The following SLCO1A2 variants were observed in gnomAD, a reference collection of about 807,000 sequenced individuals.
The protein encoded by SLCO1A2 is OATP-1.
SLCO1A2 carries 67 observed loss-of-function variants against 69.0 expected under a neutral mutation model. That is an observed-to-expected ratio of 0.97 (90% confidence interval 0.80 to 1.19). The LOEUF (loss-of-function observed/expected upper bound fraction) is 1.19. Ranked by LOEUF, SLCO1A2 falls within the 50% of genes most tolerant of loss-of-function variation. The pLI is 0.00. For missense variants in SLCO1A2, 787 were observed against 793.7 expected, an observed-to-expected ratio of 0.99 and a Z score of 0.10; for synonymous variants, 260 against 265.9, an observed-to-expected ratio of 0.98 and a Z score of 0.22.
intron 8 of SLCO1A2, among the ~76,000 whole-genome samples, chr12:21,299,505 T>C (rs1227276643): frequency 1.3e-5 from 2 of 151,650 alleles, no homozygotes; most frequent in African/African-American, 4.8e-5. Context: ...ACTGCTTCTG[T>C]TTAAAAATTA....
At chr12:21,335,825 TCTA>T (rs1282879174), upstream of SLCO1A2, among the ~76,000 whole-genome samples, 1 of 152,276 alleles carries the variant, frequency 6.6e-6, no homozygotes, top group East Asian at 1.9e-4. Context: ...TTATTGAACA[TCTA>T]CTCTGTGCCA....
chr12:21,295,543 T>C (rs1017521419), intron 10 of SLCO1A2, 54 bp downstream of exon 10: 1 of 1,150,438 alleles, frequency 8.7e-7, no homozygotes, highest in Non-Finnish European at 1.3e-6. Context: ...TTGTAAAAAA[T>C]ATCATATTAA....
At chr12:21,306,776 C>G in intron 5 of SLCO1A2, 106 bp downstream of exon 5, 1 of 662,280 alleles carries the variant, frequency 1.5e-6, no homozygotes, top group East Asian at 2.8e-5. Flanking sequence ...GAGAACATAT[C>G]TTTGTTTATT....
chr12:21,303,047 T>C (rs946004185), intron 6 of SLCO1A2, among the ~76,000 whole-genome samples: 4 of 152,146 alleles, frequency 2.6e-5, no homozygotes, highest in Non-Finnish European at 5.9e-5. Flanking sequence ...CAGAGCCATA[T>C]GGAACTGTTT....
intron 2 of SLCO1A2, among the ~76,000 whole-genome samples, chr12:21,328,588 T>C (rs1952409998): frequency 6.6e-6 from 1 of 152,118 alleles, no homozygotes; most frequent in African/African-American, 2.4e-5. Flanking sequence ...TTTTATGCAG[T>C]GTCCTAACCT....
At chr12:21,285,724 A>G (rs996362447) in intron 12 of SLCO1A2, among the ~76,000 whole-genome samples, 1 of 148,868 alleles carries the variant, frequency 6.7e-6, no homozygotes, top group African/African-American at 2.5e-5. Flanking sequence ...CAATAAATGT[A>G]ATCCAGCATA....
chr12:21,338,593 G>C (rs1952965461), upstream of SLCO1A2, among the ~76,000 whole-genome samples: 1 of 151,862 alleles, frequency 6.6e-6, no homozygotes, highest in African/African-American at 2.4e-5. Flanking sequence ...TATCGCAGTA[G>C]TCCCTTAATG....
At chr12:21,305,365 G>A (rs1268829665) in intron 5 of SLCO1A2, among the ~76,000 whole-genome samples, 2 of 152,240 alleles carry the variant, frequency 1.3e-5, no homozygotes, top group Non-Finnish European at 2.9e-5. Flanking sequence ...TCAGGGATCT[G>A]AAGGACAATG....
At chr12:21,283,841 C>A (rs998474665) in intron 12 of SLCO1A2, among the ~76,000 whole-genome samples, 1 of 152,140 alleles carries the variant, frequency 6.6e-6, no homozygotes, top group African/African-American at 2.4e-5. Flanking sequence ...GAGAGGAATG[C>A]AAATCAAAAC....
chr12:21,365,961 G>C (rs944701478), intron 2 of SLCO1A2, among the ~76,000 whole-genome samples: 19 of 152,232 alleles, frequency 1.2e-4, no homozygotes, highest in South Asian at 2.1e-4. Flanking sequence ...GGACTGTAAA[G>C]TAGTTCAACC....
intron 12 of SLCO1A2, among the ~76,000 whole-genome samples, chr12:21,291,819 GGCT>G (rs1217988363): frequency 6.6e-6 from 1 of 152,076 alleles, no homozygotes; most frequent in Non-Finnish European, 1.5e-5. Context: ...CCTAGGAAAT[GGCT>G]GCTAGGCACC....
intron 1 of SLCO1A2, among the ~76,000 whole-genome samples, chr12:21,391,295 C>T (rs1317575883): frequency 6.6e-6 from 1 of 152,098 alleles, no homozygotes; most frequent in Non-Finnish European, 1.5e-5. Flanking sequence ...GATTCAAATG[C>T]TTTGACTGTC....
chr12:21,290,704 G>C (rs903764409), intron 12 of SLCO1A2, among the ~76,000 whole-genome samples: 1 of 152,084 alleles, frequency 6.6e-6, no homozygotes, highest in Non-Finnish European at 1.5e-5. Flanking sequence ...AAAGCCAGGG[G>C]GGAATAAAAT....
At chr12:21,362,880 C>T (rs1939040641) in intron 2 of SLCO1A2, among the ~76,000 whole-genome samples, 2 of 152,120 alleles carry the variant, frequency 1.3e-5, no homozygotes, top group South Asian at 4.1e-4. Flanking sequence ...TACAGGAGCA[C>T]CCAGATTCAT....
intron 6 of SLCO1A2, among the ~76,000 whole-genome samples, chr12:21,303,654 G>A (rs1458953567): frequency 6.6e-6 from 1 of 152,144 alleles, no homozygotes; most frequent in Non-Finnish European, 1.5e-5. Context: ...AATAAATTAA[G>A]AATATTTCAG....
intron 6 of SLCO1A2, among the ~76,000 whole-genome samples, chr12:21,303,730 T>C (rs533375224): frequency 9.9e-5 from 15 of 152,270 alleles, no homozygotes; most frequent in African/African-American, 3.6e-4. Context: ...CCTACATGGA[T>C]TTTAAAATGG....
rs1159567293 is a variant in SLCO1A2 at position 21,266,790 on chromosome 12, G to T, written c.*2758C>A. 2 of 151,894 alleles carry T rather than the reference G, an allele frequency of 1.3e-5. No individual in the cohort carries two copies. The highest frequency in any genetic ancestry group is 4.8e-5 in the African/African-American group (2 of 41,336). The allele number at this position is 151,894 out of a possible 1,614,324, so 9.4% of individuals were successfully genotyped here. The stretch of plus-strand genomic sequence containing the variant: ...CCACAAAGCAACATTTCATTGCTTT[G>T]CAATAAAAAATTAATTAAAATAAAA... On this transcript the variant is annotated 3_prime_UTR_variant, in exon 15 of 15. Coordinates refer to ENST00000683939, the MANE Select transcript of SLCO1A2 (RefSeq NM_001386879.1).
intron 2 of SLCO1A2, among the ~76,000 whole-genome samples, chr12:21,368,543 G>A (rs879733455): frequency 5.9e-5 from 9 of 152,090 alleles, no homozygotes; most frequent in Admixed American, 3.9e-4. Flanking sequence ...CCCATAAATT[G>A]TATGTTTAGA....
chr12:21,362,450 A>G lies in SLCO1A2; in HGVS notation c.-63+11949T>C, dbSNP rs375121779. Among the ~76,000 whole-genome samples, 109 of 152,308 alleles carry G rather than the reference A, an allele frequency of 7.2e-4. 2 individuals are homozygous for G. In the South Asian group the frequency reaches 0.022, roughly 31 times the overall value. Reference sequence around the variant, plus strand: ...GTACGAGCCACTGCAAAAACATGCCAAATTGTAAAGACCATTGGTACTAGG... The same window carrying G: ...GTACGAGCCACTGCAAAAACATGCCGAATTGTAAAGACCATTGGTACTAGG... On this transcript the variant is annotated intron_variant, in intron 2 of 15. Coordinates refer to the SLCO1A2 transcript ENST00000307378.
Sources: gnomAD v4.1 joint callset for allele counts (sites outside exome capture counted in the v4.1 genomes callset) on GRCh38, gnomAD v4.1.1 for gene constraint, MANE v1.5 for transcripts, NCBI Gene and HGNC (gene_info 2026-07-23, HGNC 2026-07-21) for gene names.